HIPK2: variants seen among roughly 807,000 people sequenced by gnomAD.
HIPK2 encodes homeodomain-interacting protein kinase 2.
A neutral mutation model predicts 113.7 loss-of-function variants in HIPK2; 27 were observed. The observed-to-expected ratio is 0.24, with a 90% CI of 0.17 to 0.33. The LOEUF (loss-of-function observed/expected upper bound fraction) is 0.33. Among genes scored for constraint, HIPK2 ranks in the 10% least tolerant of loss-of-function variants. The probability of loss-of-function intolerance (pLI) is 1.00; values close to 1 mark genes in which losing one functional copy is unlikely to be tolerated. For synonymous variants in HIPK2, 631 were observed against 642.2 expected, an observed-to-expected ratio of 0.98 and a Z score of 0.26; for missense variants, 1,257 against 1,588.0, an observed-to-expected ratio of 0.79 and a Z score of 3.54.
intron 1 of HIPK2, among the ~76,000 whole-genome samples, chr7:139,774,913 G>A (rs1432185685): frequency 2.0e-5 from 3 of 152,212 alleles, no homozygotes; most frequent in African/African-American, 7.2e-5. Context: ...TATCCTTCAA[G>A]CAAGCCCTGG....
intron 1 of HIPK2, among the ~76,000 whole-genome samples, chr7:139,730,875 A>G (rs764300998): frequency 6.6e-6 from 1 of 152,172 alleles, no homozygotes; most frequent in Non-Finnish European, 1.5e-5. Context: ...ATACACACAG[A>G]GTGCGGGCCA....
chr7:139,620,549 A>C lies in HIPK2; in HGVS notation c.1634T>G (p.Phe545Cys). The C allele has an allele frequency of 2.5e-6, 4 of 1,614,198 alleles. No individual in the cohort carries two copies. Among genetic ancestry groups the C allele is most frequent in the Non-Finnish European group, 3.4e-6 (4 of 1,180,030 alleles). ...FPHSTHVKSC[F>C]QNMEICKRRV... ...ACGCTTGCAGATCTCCATGTTCTGG[A>C]AACATGATTTGACGCTGTTCATGCA... The change falls in exon 7 of 15, where the codon TTC becomes TGC. Residue 545 changes from phenylalanine (F) to cysteine (C), a missense_variant. Around this residue, in one of 5 missense-constraint regions of HIPK2, gnomAD observed 862 missense variants for 1,004.3 expected, o/e 0.86. Coordinates refer to ENST00000406875, the MANE Select transcript of HIPK2 (RefSeq NM_022740.5).
At chr7:139,620,645 GGA>G in intron 6 of HIPK2, 82 bp from the exon 7 acceptor site, 1 of 1,527,940 alleles carries the variant, frequency 6.5e-7, no homozygotes, top group Non-Finnish European at 8.9e-7. Context: ...AGAAAACAAA[GGA>G]AAGGAGAGAA....
In HIPK2 at chr7:139,755,977, G is replaced by T. The variant is rs115760398; in HGVS notation, c.19+21628C>A. ...TCTTACAGGAAATGCATATTCTTCTGAGCCATGTTCTACCTTCCCCATCTC... is the reference window on the plus strand; with the variant it reads ...TCTTACAGGAAATGCATATTCTTCTTAGCCATGTTCTACCTTCCCCATCTC... On this transcript the variant is annotated intron_variant, in intron 1 of 14. Coordinates refer to ENST00000406875, the MANE Select transcript of HIPK2 (RefSeq NM_022740.5). 7.2e-3 allele frequency among the ~76,000 whole-genome samples: 1,093 copies of T among 152,236 alleles called. 15 individuals carry two copies. The highest frequency in any genetic ancestry group is 0.025 in the African/African-American group (1,026 of 41,532).
In HIPK2 at chr7:139,614,330, T is replaced by G; in HGVS notation, c.1946A>C (p.Asp649Ala). 1.9e-6 allele frequency: 3 copies of G among 1,567,360 alleles called. No individual in the cohort carries two copies. Among genetic ancestry groups the G allele is most frequent in the South Asian group, 1.2e-5 (1 of 85,924 alleles). ...CACGATGAGAGCTTGCTGGAACGGGTCAGGCCGGGCACAAATCTGGGCTGT... is the reference window on the plus strand; with the variant it reads ...CACGATGAGAGCTTGCTGGAACGGGGCAGGCCGGGCACAAATCTGGGCTGT... ...TGTAQICARPDPFQQALIVCP... is the reference protein window; with the variant it reads ...TGTAQICARPAPFQQALIVCP... Residue 649 changes from aspartate (D) to alanine (A), a missense_variant, in exon 8 of 15, where the codon GAC becomes GCC. Around this residue, in one of 5 missense-constraint regions of HIPK2, gnomAD observed 862 missense variants for 1,004.3 expected, o/e 0.86. Coordinates refer to ENST00000406875, the MANE Select transcript of HIPK2 (RefSeq NM_022740.5).
intron 7 of HIPK2, among the ~76,000 whole-genome samples, chr7:139,619,291 C>T (rs1481958503): frequency 6.6e-6 from 1 of 152,178 alleles, no homozygotes; most frequent in Non-Finnish European, 1.5e-5. Flanking sequence ...CACACATCCA[C>T]ACAGAAGTCT....
intron 1 of HIPK2, among the ~76,000 whole-genome samples, chr7:139,757,820 T>C (rs1235855214): frequency 1.3e-5 from 2 of 152,180 alleles, no homozygotes; most frequent in Admixed American, 6.5e-5. Flanking sequence ...CACTGAACTA[T>C]ACACTTTGAA....
chr7:139,632,279 T>C (rs1463038728), intron 2 of HIPK2, among the ~76,000 whole-genome samples: 1 of 152,148 alleles, frequency 6.6e-6, no homozygotes, highest in East Asian at 1.9e-4. Flanking sequence ...GCCTCCTGAG[T>C]AGCTGGGTCT....
At chr7:139,756,493 T>C (rs1287398327) in intron 1 of HIPK2, among the ~76,000 whole-genome samples, 1 of 152,206 alleles carries the variant, frequency 6.6e-6, no homozygotes, top group Non-Finnish European at 1.5e-5. Context: ...GGTGCAATCT[T>C]GGCTCACTGC....
chr7:139,677,025 C>T (rs922519602), intron 2 of HIPK2, among the ~76,000 whole-genome samples: 11 of 151,956 alleles, frequency 7.2e-5, no homozygotes, highest in African/African-American at 2.7e-4. Flanking sequence ...CCACACCTGG[C>T]TAATTTTGCA....
Position 139,588,765 on chromosome 7 carries a change from G to C in HIPK2, c.2718-4701C>G, listed in dbSNP as rs1045851426. On this transcript the variant is annotated intron_variant, in intron 12 of 14. Transcript: ENST00000406875. ...TGCAGCTGTCTTCTGGGATGAATGC[G>C]GGGGAGTAAAGGGAAACAACTGGTC... is the stretch of plus-strand genomic sequence containing the variant. 2.6e-5 allele frequency among the ~76,000 whole-genome samples: 4 copies of C among 152,066 alleles called. 1 individual carries two copies. In the South Asian group the frequency reaches 6.2e-4, roughly 24 times the overall value.
chr7:139,591,472 C>T (rs1364782940), intron 12 of HIPK2, among the ~76,000 whole-genome samples: 5 of 152,218 alleles, frequency 3.3e-5, no homozygotes, highest in Non-Finnish European at 5.9e-5. Flanking sequence ...GTATCCAACC[C>T]TCTGCCACCC....
intron 10 of HIPK2, among the ~76,000 whole-genome samples, chr7:139,601,406 G>A (rs963925652): frequency 5.3e-5 from 8 of 152,094 alleles, no homozygotes; most frequent in Admixed American, 2.6e-4. Flanking sequence ...TATACTTTAC[G>A]TGAAAAACAA....
chr7:139,672,078 G>A (rs547332924), intron 2 of HIPK2, among the ~76,000 whole-genome samples: 45 of 40,472 alleles, frequency 1.1e-3, no homozygotes, highest in Admixed American at 6.4e-3. Flanking sequence ...TATGTCTATA[G>A]CTTACTCATT....
intron 1 of HIPK2, among the ~76,000 whole-genome samples, chr7:139,767,282 C>CA (rs1176030026): frequency 5.3e-5 from 8 of 152,318 alleles, no homozygotes; most frequent in African/African-American, 1.9e-4. Context: ...AACTGAAGGG[C>CA]AAAAAGGTTG....
At chr7:139,741,453 G>C (rs555878740) in intron 1 of HIPK2, among the ~76,000 whole-genome samples, 2 of 152,158 alleles carry the variant, frequency 1.3e-5, no homozygotes, top group South Asian at 4.2e-4. Context: ...GGCAGGCCTG[G>C]CATTATTTTT....
Position 139,716,538 on chromosome 7 carries a change from GCAGTGGCGA to G in HIPK2, c.488_496del (p.Val163_Thr165del). ...TTTGGAGGTGGCAGTAGACGTGGTG[GCAGTGGCGA>G]CAGTGGCCCCGCTTGCATTATTCTG... On this transcript the variant is annotated inframe_deletion, in exon 2 of 15. Coordinates refer to ENST00000406875, the MANE Select transcript of HIPK2 (RefSeq NM_022740.5). This position sits in a 1 kb window ranked among gnomAD's most constrained non-coding sequence, Gnocchi z 9.3. 6.2e-7 allele frequency: 1 copy of G among 1,614,034 alleles called. No individual in the cohort carries two copies. Among genetic ancestry groups the G allele is most frequent in the South Asian group, 1.1e-5 (1 of 91,084 alleles).
chr7:139,594,857 C>T (rs1585251121), intron 12 of HIPK2, among the ~76,000 whole-genome samples: 1 of 152,216 alleles, frequency 6.6e-6, no homozygotes, highest in East Asian at 1.9e-4. Flanking sequence ...ACCTGTGCAC[C>T]TGGCTCTCTC....
rs114152718 is a variant in HIPK2 at position 139,714,184 on chromosome 7, C to T, written c.1103+1748G>A. Reference sequence around the variant, plus strand: ...GACCTTTCTGCGCATAGGAAATGAGCGGGAAAGGAATCCTCAGGGCAGGGC... The same window carrying T: ...GACCTTTCTGCGCATAGGAAATGAGTGGGAAAGGAATCCTCAGGGCAGGGC... On this transcript the variant is annotated intron_variant, in intron 2 of 14. Coordinates refer to ENST00000406875, the MANE Select transcript of HIPK2 (RefSeq NM_022740.5). The surrounding 1 kb of genome is among the most constrained non-coding windows in gnomAD (Gnocchi z 4.2). 1.4e-3 allele frequency among the ~76,000 whole-genome samples: 206 copies of T among 152,176 alleles called. No individual in the cohort carries two copies. Among genetic ancestry groups the T allele is most frequent in the African/African-American group, 4.6e-3 (193 of 41,516 alleles).
Sources: gnomAD v4.1 joint callset for allele counts (sites outside exome capture counted in the v4.1 genomes callset) on GRCh38, gnomAD v4.1.1 for gene constraint, gnomAD v4.1.1 regional missense constraint, Gnocchi (gnomAD v3.1) non-coding constraint, MANE v1.5 for transcripts, NCBI Gene and HGNC (gene_info 2026-07-23, HGNC 2026-07-21) for gene names.